Variants in LRRTM4 observed in about 807,000 individuals in gnomAD.
The protein encoded by LRRTM4 is leucine rich repeat transmembrane neuronal 4.
Under a neutral mutation model 47.6 loss-of-function variants are expected in LRRTM4, and 25 were observed. That is an observed-to-expected ratio of 0.53 (90% CI 0.38 to 0.73). The LOEUF is 0.73. Ranked by LOEUF, LRRTM4 falls within the 30% of genes least tolerant of loss-of-function variation. The probability of loss-of-function intolerance (pLI) is 0.00; values close to 1 mark genes in which losing one functional copy is unlikely to be tolerated. For missense variants in LRRTM4, 638 were observed against 713.4 expected, an observed-to-expected ratio of 0.89 and a Z score of 1.20; for synonymous variants, 311 against 269.5, an observed-to-expected ratio of 1.15 and a Z score of -1.51.
chr2:77,211,639 C>T (rs1239041980), intron 3 of LRRTM4, among the ~76,000 whole-genome samples: 1 of 152,072 alleles, frequency 6.6e-6, no homozygotes, highest in Non-Finnish European at 1.5e-5. Context: ...TATCACTACC[C>T]TTTTCAGGAA....
chr2:77,069,587 G>A (rs1680082442), intron 3 of LRRTM4, among the ~76,000 whole-genome samples: 2 of 152,114 alleles, frequency 1.3e-5, no homozygotes, highest in South Asian at 4.1e-4. Context: ...ATATTCTGGT[G>A]TCCTATTACT....
intron 3 of LRRTM4, among the ~76,000 whole-genome samples, chr2:76,803,166 C>A (rs1430170473): frequency 1.3e-5 from 2 of 152,002 alleles, no homozygotes; most frequent in Non-Finnish European, 2.9e-5. Flanking sequence ...AAGGGACAAT[C>A]TCCAGGATAA....
intron 3 of LRRTM4, among the ~76,000 whole-genome samples, chr2:77,391,968 C>T (rs756258037): frequency 6.6e-6 from 1 of 151,992 alleles, no homozygotes; most frequent in Non-Finnish European, 1.5e-5. Flanking sequence ...TATTTTACCC[C>T]ATAACATATT....
chr2:76,927,304 G>C (rs1478287582), intron 3 of LRRTM4, among the ~76,000 whole-genome samples: 1 of 152,124 alleles, frequency 6.6e-6, no homozygotes, highest in Non-Finnish European at 1.5e-5. Flanking sequence ...CTCCCAAAAT[G>C]ATCCAATTTA....
intron 3 of LRRTM4, among the ~76,000 whole-genome samples, chr2:76,979,070 C>G (rs1355238101): frequency 6.6e-6 from 1 of 151,968 alleles, no homozygotes; most frequent in Non-Finnish European, 1.5e-5. Context: ...AACCAGGATG[C>G]TAAGTGGTCA....
intron 3 of LRRTM4, among the ~76,000 whole-genome samples, chr2:77,064,566 T>C (rs2103809418): frequency 6.6e-6 from 1 of 152,304 alleles, no homozygotes; most frequent in South Asian, 2.1e-4. Context: ...GCTATCTTCT[T>C]CAGGCTAGAG....
intron 3 of LRRTM4, among the ~76,000 whole-genome samples, chr2:77,042,000 G>T (rs1342466454): frequency 1.4e-5 from 2 of 146,800 alleles, no homozygotes; most frequent in African/African-American, 4.9e-5. Flanking sequence ...TAAAAAACAA[G>T]AAAGAACAAA....
At chr2:77,455,017 A>G (rs1050899666) in intron 3 of LRRTM4, among the ~76,000 whole-genome samples, 11 of 152,172 alleles carry the variant, frequency 7.2e-5, no homozygotes, top group Admixed American at 7.2e-4. Flanking sequence ...GTGAAACCCA[A>G]TCTCTACTAA....
At chr2:77,402,172 G>T (rs930048352) in intron 3 of LRRTM4, among the ~76,000 whole-genome samples, 1 of 151,842 alleles carries the variant, frequency 6.6e-6, no homozygotes, top group African/African-American at 2.4e-5. Flanking sequence ...ATGAGACAGG[G>T]TCTCGCTATG....
intron 3 of LRRTM4, among the ~76,000 whole-genome samples, chr2:77,437,632 A>C (rs1350953246): frequency 6.6e-6 from 1 of 152,148 alleles, no homozygotes; most frequent in African/African-American, 2.4e-5. Context: ...TAAAGTGATT[A>C]AAAATGACAT....
intron 3 of LRRTM4, among the ~76,000 whole-genome samples, chr2:77,411,601 C>T (rs1397187713): frequency 3.4e-5 from 5 of 148,986 alleles, no homozygotes; most frequent in Admixed American, 6.7e-5. Flanking sequence ...AACAGGCCCC[C>T]GCCACCATGC....
chr2:77,414,899 T>A (rs1002192176), intron 3 of LRRTM4, among the ~76,000 whole-genome samples: 1 of 152,204 alleles, frequency 6.6e-6, no homozygotes, highest in African/African-American at 2.4e-5. Flanking sequence ...AAAGTAGAGT[T>A]TGACACTTTC....
At chr2:77,361,139 TC>T (rs1479784147) in intron 3 of LRRTM4, among the ~76,000 whole-genome samples, 1 of 152,038 alleles carries the variant, frequency 6.6e-6, no homozygotes, top group Non-Finnish European at 1.5e-5. Context: ...CTTTATCAGC[TC>T]CTTCAGTAAC....
chr2:77,493,046 A>C (rs528488445), intron 3 of LRRTM4, among the ~76,000 whole-genome samples: 12 of 152,236 alleles, frequency 7.9e-5, no homozygotes, highest in Admixed American at 7.9e-4. Flanking sequence ...AGTAATAAAT[A>C]AATCTAAGGC....
At chr2:77,279,792 T>C (rs543811004) in intron 3 of LRRTM4, among the ~76,000 whole-genome samples, 207 of 152,084 alleles carry the variant, frequency 1.4e-3, no homozygotes, top group African/African-American at 4.9e-3. Context: ...GGTTGAATAT[T>C]ATCTATAAGG....
chr2:77,479,391 A>G (rs1205373440), intron 3 of LRRTM4, among the ~76,000 whole-genome samples: 4 of 152,196 alleles, frequency 2.6e-5, no homozygotes, highest in Non-Finnish European at 4.4e-5. Context: ...TTTTCTGTTA[A>G]CAAAGTACAT....
chr2:76,799,445 C>A (rs200042446), intron 3 of LRRTM4, among the ~76,000 whole-genome samples: 17,443 of 126,540 alleles, frequency 0.14, 1,905 homozygotes, highest in East Asian at 0.34. Flanking sequence ...ATTGATGGGA[C>A]GTATCTCAAA....
At chr2:76,824,921 T>C (rs1280825289) in intron 3 of LRRTM4, among the ~76,000 whole-genome samples, 1 of 151,654 alleles carries the variant, frequency 6.6e-6, no homozygotes, top group Non-Finnish European at 1.5e-5. Context: ...ATACATCTAG[T>C]GACCATCAAA....
intron 3 of LRRTM4, among the ~76,000 whole-genome samples, chr2:77,165,164 A>G (rs1672843763): frequency 2.0e-5 from 3 of 152,218 alleles, no homozygotes; most frequent in Admixed American, 2.0e-4. Context: ...AAGAAATACT[A>G]TCAGAGAATA....
Sources: gnomAD v4.1 joint callset for allele counts (sites outside exome capture counted in the v4.1 genomes callset) on GRCh38, gnomAD v4.1.1 for gene constraint, MANE v1.5 for transcripts, NCBI Gene and HGNC (gene_info 2026-07-23, HGNC 2026-07-21) for gene names.